The following DTWD2 variants were observed in gnomAD, a reference collection of about 807,000 sequenced individuals.
DTWD2 encodes the protein tRNA-uridine aminocarboxypropyltransferase 2.
DTWD2 carries 39 observed loss-of-function variants against 31.8 expected under a neutral mutation model. That is an observed-to-expected ratio of 1.22 (90% CI 0.95 to 1.60). The LOEUF (loss-of-function observed/expected upper bound fraction) is 1.60. Ranked by LOEUF, DTWD2 falls within the 40% of genes most tolerant of loss-of-function variation. The pLI is 0.00. For missense variants in DTWD2, 515 were observed against 381.5 expected (o/e 1.35, Z -2.92); for synonymous variants, 180 against 142.8 (o/e 1.26, Z -1.86).
At chr5:118,967,149 CAT>C (rs1327518536) in intron 1 of DTWD2, among the ~76,000 whole-genome samples, 1 of 144,108 alleles carries the variant, frequency 6.9e-6, no homozygotes, top group African/African-American at 2.6e-5. Flanking sequence ...AATAATCAAA[CAT>C]GTTGCAGATA....
At chr5:118,864,315 A>C (rs1175636885) in intron 4 of DTWD2, among the ~76,000 whole-genome samples, 1 of 150,868 alleles carries the variant, frequency 6.6e-6, no homozygotes, top group Non-Finnish European at 1.5e-5. Context: ...TCACTCACAG[A>C]TGAGAACTGA....
chr5:118,943,946 T>C (rs560089135), intron 2 of DTWD2, among the ~76,000 whole-genome samples: 1 of 152,234 alleles, frequency 6.6e-6, no homozygotes, highest in Non-Finnish European at 1.5e-5. Flanking sequence ...AATTTCATAG[T>C]ATGCATTGAG....
At chr5:118,939,100 G>T in intron 3 of DTWD2, 96 bp downstream of exon 3, 2 of 1,214,722 alleles carry the variant, frequency 1.6e-6, no homozygotes, top group South Asian at 1.9e-5. Flanking sequence ...CCACTCTTTA[G>T]ACCATGAATA....
intron 1 of DTWD2, among the ~76,000 whole-genome samples, chr5:118,955,739 A>G (rs1235194714): frequency 6.6e-6 from 1 of 152,048 alleles, no homozygotes; most frequent in African/African-American, 2.4e-5. Flanking sequence ...CTGTAGTAGT[A>G]CAACCAGTGA....
intron 4 of DTWD2, among the ~76,000 whole-genome samples, chr5:118,856,985 C>A (rs746209776): frequency 1.3e-5 from 2 of 151,776 alleles, no homozygotes; most frequent in Non-Finnish European, 2.9e-5. Flanking sequence ...ACATGTTGGC[C>A]AGGCTGGTCT....
At chr5:118,944,195 G>A (rs958688904) in intron 2 of DTWD2, among the ~76,000 whole-genome samples, 1 of 152,030 alleles carries the variant, frequency 6.6e-6, no homozygotes, top group African/African-American at 2.4e-5. Flanking sequence ...TACTTCTACT[G>A]GAGCAAGAAA....
intron 4 of DTWD2, among the ~76,000 whole-genome samples, chr5:118,874,088 A>G (rs1363161291): frequency 6.6e-6 from 1 of 152,212 alleles, no homozygotes; most frequent in Non-Finnish European, 1.5e-5. Context: ...GTGGGAGTTG[A>G]GCATTGGCCC....
chr5:118,926,569 A>G (rs527330218), intron 4 of DTWD2, among the ~76,000 whole-genome samples: 1 of 152,354 alleles, frequency 6.6e-6, no homozygotes, highest in South Asian at 2.1e-4. Context: ...TTGATAATCC[A>G]TGGGTAGAAA....
intron 1 of DTWD2, among the ~76,000 whole-genome samples, chr5:118,964,452 T>C (rs1158144779): frequency 6.6e-6 from 1 of 152,042 alleles, no homozygotes; most frequent in Non-Finnish European, 1.5e-5. Flanking sequence ...CCACAGTCTC[T>C]GTCTCCCTCT....
chr5:118,879,704 T>G (rs1561438513), intron 4 of DTWD2, among the ~76,000 whole-genome samples: 2 of 151,850 alleles, frequency 1.3e-5, no homozygotes, highest in East Asian at 3.9e-4. Flanking sequence ...AACGCAGGAT[T>G]AGAAAATCAA....
rs1301542377 is a variant in DTWD2, at chr5:118,870,149, T to A, written c.598-21931A>T. ...CCTGAAGAACCATGAGCTAAATAAA[T>A]CTCTTTTCTTTATAAATTACCCAGC... On this transcript the variant is annotated intron_variant, in intron 4 of 5. Transcript: ENST00000510708. Among the ~76,000 whole-genome samples the A allele has an allele frequency of 2.0e-5, 3 of 152,224 alleles. No homozygotes were observed. The East Asian group carries it at 5.8e-4, about 29-fold the overall frequency.
At chr5:118,841,722 C>T (rs990690145) in intron 5 of DTWD2, among the ~76,000 whole-genome samples, 9 of 151,836 alleles carry the variant, frequency 5.9e-5, no homozygotes, top group Admixed American at 3.9e-4. Flanking sequence ...AGAATAGTGG[C>T]GGCTGTAATA....
At chr5:118,935,091 A>G (rs937911697) in intron 3 of DTWD2, among the ~76,000 whole-genome samples, 1 of 152,038 alleles carries the variant, frequency 6.6e-6, no homozygotes, top group African/African-American at 2.4e-5. Flanking sequence ...GGCTTAATCA[A>G]TCATGCCTGA....
At chr5:118,925,204 G>A (rs550990792) in intron 4 of DTWD2, among the ~76,000 whole-genome samples, 4 of 152,104 alleles carry the variant, frequency 2.6e-5, no homozygotes, top group East Asian at 3.8e-4. Flanking sequence ...GGATAACATC[G>A]TTAAAAATAC....
intron 1 of DTWD2, among the ~76,000 whole-genome samples, chr5:118,963,059 G>A (rs55743003): frequency 7.2e-5 from 11 of 152,292 alleles, no homozygotes; most frequent in Non-Finnish European, 1.5e-4. Context: ...GGATCCAGAA[G>A]CAAAAGATCA....
chr5:118,951,642 G>C (rs1191533847), intron 1 of DTWD2, among the ~76,000 whole-genome samples: 1 of 152,164 alleles, frequency 6.6e-6, no homozygotes. Flanking sequence ...TTTAGGTCAG[G>C]TGTGAGTTGA....
chr5:118,981,610 G>C (rs907266346), intron 1 of DTWD2, among the ~76,000 whole-genome samples: 3 of 151,930 alleles, frequency 2.0e-5, no homozygotes, highest in African/African-American at 7.2e-5. Context: ...ACCCAGGCAA[G>C]AGCACAGTGG....
At chr5:118,852,764 G>A (rs1458122254) in intron 4 of DTWD2, among the ~76,000 whole-genome samples, 1 of 152,020 alleles carries the variant, frequency 6.6e-6, no homozygotes, top group African/African-American at 2.4e-5. Flanking sequence ...CTATCATAAT[G>A]ACACAGGTAC....
intron 4 of DTWD2, among the ~76,000 whole-genome samples, chr5:118,859,018 G>C (rs1380241332): frequency 6.6e-6 from 1 of 151,988 alleles, no homozygotes; most frequent in Non-Finnish European, 1.5e-5. Flanking sequence ...ACCTTTAGTG[G>C]TGCTAAAATT....
Sources: gnomAD v4.1 joint callset for allele counts (sites outside exome capture counted in the v4.1 genomes callset) on GRCh38, gnomAD v4.1.1 for gene constraint, MANE v1.5 for transcripts, NCBI Gene and HGNC (gene_info 2026-07-23, HGNC 2026-07-21) for gene names.